The following IGSF11 variants were observed in gnomAD, a reference collection of about 807,000 sequenced individuals.
The protein encoded by IGSF11 is CXADR like 1.
In IGSF11, 22 loss-of-function variants were observed where a neutral mutation model predicts 41.0. That is an observed-to-expected ratio of 0.54 (90% CI 0.38 to 0.77). The LOEUF is 0.77. Ranked by LOEUF, IGSF11 falls within the 30% of genes least tolerant of loss-of-function variation. The probability of loss-of-function intolerance (pLI) is 0.00; values close to 1 mark genes in which losing one functional copy is unlikely to be tolerated. For synonymous variants in IGSF11, 219 were observed against 201.3 expected, an observed-to-expected ratio of 1.09 and a Z score of -0.74; for missense variants, 444 against 530.8, an observed-to-expected ratio of 0.84 and a Z score of 1.61.
At chr3:119,045,103 G>A (rs1167494784) in intron 1 of IGSF11, among the ~76,000 whole-genome samples, 1 of 152,208 alleles carries the variant, frequency 6.6e-6, no homozygotes, top group African/African-American at 2.4e-5. Flanking sequence ...AAAAAATAGA[G>A]AATGGCAGAA....
At chr3:119,048,490 G>T (rs922412630) in intron 1 of IGSF11, among the ~76,000 whole-genome samples, 2 of 152,134 alleles carry the variant, frequency 1.3e-5, no homozygotes, top group African/African-American at 2.4e-5. Flanking sequence ...GGATCTGAAA[G>T]TGTGGCAATA....
At chr3:118,948,971 CAAAA>C (rs397874586) in intron 1 of IGSF11, among the ~76,000 whole-genome samples, 2 of 87,540 alleles carry the variant, frequency 2.3e-5, no homozygotes, top group Admixed American at 1.2e-4. Context: ...GACTCCGTCT[CAAAA>C]AAAAAAAAAA....
intron 1 of IGSF11, among the ~76,000 whole-genome samples, chr3:118,958,583 A>G (rs1432606360): frequency 6.6e-6 from 1 of 152,236 alleles, no homozygotes; most frequent in African/African-American, 2.4e-5. Flanking sequence ...CAAAGCATGC[A>G]TGCACATTCA....
chr3:118,908,329 T>C (rs1377675924), intron 4 of IGSF11, among the ~76,000 whole-genome samples: 2 of 152,202 alleles, frequency 1.3e-5, no homozygotes, highest in Admixed American at 6.5e-5. Flanking sequence ...ATGAAGTTGA[T>C]ATACCATGGT....
intron 1 of IGSF11, among the ~76,000 whole-genome samples, chr3:119,113,884 G>A (rs562480349): frequency 1.9e-4 from 29 of 152,358 alleles, no homozygotes; most frequent in African/African-American, 6.3e-4. Flanking sequence ...TCTAAGCGGA[G>A]GTTCCCAAGC....
At chr3:118,914,281 G>A (rs985483743) in intron 4 of IGSF11, among the ~76,000 whole-genome samples, 1 of 152,254 alleles carries the variant, frequency 6.6e-6, no homozygotes, top group East Asian at 1.9e-4. Context: ...AACAGCTCCG[G>A]TCTACAGCTC....
chr3:119,067,025 C>T (rs1255354010), intron 1 of IGSF11, among the ~76,000 whole-genome samples: 1 of 152,162 alleles, frequency 6.6e-6, no homozygotes, highest in Non-Finnish European at 1.5e-5. Flanking sequence ...ATCTGGACCA[C>T]ATGTGGCCCG....
chr3:119,107,005 G>T (rs2077041953), upstream of IGSF11, among the ~76,000 whole-genome samples: 2 of 152,158 alleles, frequency 1.3e-5, no homozygotes, highest in African/African-American at 4.8e-5. Context: ...CATTTGGGTT[G>T]GTTCCAAGTC....
intron 1 of IGSF11, among the ~76,000 whole-genome samples, chr3:118,936,275 G>C (rs1943268276): frequency 6.6e-6 from 1 of 152,042 alleles, no homozygotes; most frequent in Non-Finnish European, 1.5e-5. Context: ...GGGAGGCTGA[G>C]GCAGGCAGAT....
intron 1 of IGSF11, among the ~76,000 whole-genome samples, chr3:119,016,735 G>A (rs1487009497): frequency 1.3e-5 from 2 of 152,036 alleles, no homozygotes; most frequent in African/African-American, 4.8e-5. Flanking sequence ...CTTTCCACAC[G>A]ACTATTTCTA....
chr3:119,122,000 G>A (rs1413578137), intron 1 of IGSF11, among the ~76,000 whole-genome samples: 1 of 152,216 alleles, frequency 6.6e-6, no homozygotes, highest in African/African-American at 2.4e-5. Context: ...GAAGCAAGAT[G>A]GTGGAGTAGA....
upstream of IGSF11, among the ~76,000 whole-genome samples, chr3:119,038,071 G>C (rs565709866): frequency 3.3e-5 from 5 of 152,162 alleles, no homozygotes; most frequent in South Asian, 1.0e-3. Flanking sequence ...ATATAGTCTA[G>C]AGCACAGTTT....
chr3:118,915,181 C>G (rs1306993433), intron 4 of IGSF11, among the ~76,000 whole-genome samples: 4 of 136,654 alleles, frequency 2.9e-5, no homozygotes, highest in African/African-American at 1.2e-4. Flanking sequence ...AAACTGGAAA[C>G]TCTAAAATGC....
chr3:119,073,939 G>C (rs559544040), intron 1 of IGSF11, among the ~76,000 whole-genome samples: 1 of 152,198 alleles, frequency 6.6e-6, no homozygotes, highest in African/African-American at 2.4e-5. Flanking sequence ...GGGACGCGAG[G>C]GCTGCCAGCA....
intron 1 of IGSF11, among the ~76,000 whole-genome samples, chr3:119,130,499 G>A (rs534347085): frequency 5.9e-5 from 9 of 152,174 alleles, no homozygotes; most frequent in South Asian, 2.1e-4. Context: ...GCAGCCTGGC[G>A]GGGGGAGGGG....
intron 1 of IGSF11, among the ~76,000 whole-genome samples, chr3:119,103,612 TC>T (rs1260390722): frequency 1.3e-5 from 2 of 152,196 alleles, no homozygotes; most frequent in African/African-American, 4.8e-5. Context: ...GTTTCTTTTT[TC>T]TTTTTACTTC....
intron 1 of IGSF11, among the ~76,000 whole-genome samples, chr3:119,141,240 T>C (rs2077644493): frequency 6.6e-6 from 1 of 151,220 alleles, no homozygotes; most frequent in Non-Finnish European, 1.5e-5. Flanking sequence ...AAACACAACA[T>C]ACTAAAACTT....
At chr3:119,032,429 C>G (rs939103533) in intron 1 of IGSF11, among the ~76,000 whole-genome samples, 1 of 152,168 alleles carries the variant, frequency 6.6e-6, no homozygotes, top group African/African-American at 2.4e-5. Context: ...TCCTCTTCCC[C>G]GCCCCACAGT....
At chr3:119,034,382 C>G (rs1940722221) in intron 1 of IGSF11, 149 bp downstream of exon 1, 1 of 777,618 alleles carries the variant, frequency 1.3e-6, no homozygotes, top group Non-Finnish European at 1.9e-6. Flanking sequence ...GCGCGAGCCT[C>G]GGCCGCAGCA....
Sources: allele counts gnomAD v4.1 joint callset (sites outside exome capture counted in the v4.1 genomes callset), GRCh38; gene constraint gnomAD v4.1.1; transcripts MANE v1.5; gene names NCBI Gene and HGNC (gene_info 2026-07-23, HGNC 2026-07-21).